NEDD4: variants seen among roughly 807,000 people sequenced by gnomAD.
NEDD4 encodes the protein E3 ubiquitin-protein ligase NEDD4.
NEDD4 carries 99 observed loss-of-function variants against 144.9 expected under a neutral mutation model. The observed-to-expected ratio is 0.68, with a 90% CI of 0.58 to 0.81. The LOEUF is 0.81. NEDD4 is among the 30% of genes least tolerant of loss of function. NEDD4 has a pLI of 0.00. For missense variants in NEDD4, 985 were observed against 1,065.9 expected (o/e 0.92, Z 1.06); for synonymous variants, 318 against 350.6 (o/e 0.91, Z 1.04).
At chr15:55,943,840 T>C (rs1180186793) in intron 4 of NEDD4, among the ~76,000 whole-genome samples, 1 of 152,146 alleles carries the variant, frequency 6.6e-6, no homozygotes, top group Admixed American at 6.5e-5. Flanking sequence ...ACTGTTTGCC[T>C]GCAAAACCCT....
At chr15:55,909,068 T>C (rs2036189353) in intron 5 of NEDD4, among the ~76,000 whole-genome samples, 1 of 152,210 alleles carries the variant, frequency 6.6e-6, no homozygotes, top group Non-Finnish European at 1.5e-5. Context: ...AATCAAAATG[T>C]TTCCTAGTGT....
chr15:55,932,163 T>C (rs942485897), intron 4 of NEDD4, among the ~76,000 whole-genome samples: 17 of 152,184 alleles, frequency 1.1e-4, no homozygotes, highest in African/African-American at 3.6e-4. Context: ...GTTTTCGTGA[T>C]AGTGAGTGAG....
At chr15:55,914,304 CTTTA>C (rs1368977566) in intron 5 of NEDD4, among the ~76,000 whole-genome samples, 10 of 151,166 alleles carry the variant, frequency 6.6e-5, no homozygotes, top group African/African-American at 2.4e-4. Flanking sequence ...TGTAAAATTG[CTTTA>C]GTTAGAAAAT....
At chr15:55,988,503 A>AAAAAAAAAAAAAAAG (rs1566980054) in intron 1 of NEDD4, among the ~76,000 whole-genome samples, 1 of 147,802 alleles carries the variant, frequency 6.8e-6, no homozygotes, top group Non-Finnish European at 1.5e-5. Context: ...AAAAAAAAAA[A>AAAAAAAAAAAAAAAG]AAAGAAAAAC....
In NEDD4 at chr15:55,915,667, C is replaced by G. The variant is rs757391564; in HGVS notation, c.291+8979G>C. Reference sequence around the variant, plus strand: ...CAATCACCATTTGTTGTTTCACAGTCTAATGTAGCTGCTTTTCGTTGGGTG... The same window carrying G: ...CAATCACCATTTGTTGTTTCACAGTGTAATGTAGCTGCTTTTCGTTGGGTG... On this transcript the variant is annotated intron_variant, in intron 5 of 28. Coordinates refer to ENST00000435532, the MANE Select transcript of NEDD4 (RefSeq NM_006154.4). 5.6e-6 allele frequency: 9 copies of G among 1,613,882 alleles called. No individual in the cohort carries two copies. The highest frequency in any genetic ancestry group is 1.7e-5 in the Admixed American group (1 of 59,992).
At position 55,981,968 on chromosome 15, in the gene NEDD4, C is replaced by T. The variant is rs190668673; in HGVS notation, c.45+11543G>A. On this transcript the variant is annotated intron_variant, in intron 1 of 28. Coordinates refer to ENST00000435532, the MANE Select transcript of NEDD4 (RefSeq NM_006154.4). ...TCTAAGAAAGAACAACTCATCATTA[C>T]TTTACATCTTATCACTACTTTTAAG... Among the ~76,000 whole-genome samples, 42 of 152,314 alleles carry T rather than the reference C, an allele frequency of 2.8e-4. No individual in the cohort carries two copies. In the East Asian group the frequency reaches 6.5e-3, roughly 24 times the overall value.
At chr15:55,965,607 T>C (rs1022137023) in intron 2 of NEDD4, among the ~76,000 whole-genome samples, 9 of 152,204 alleles carry the variant, frequency 5.9e-5, no homozygotes, top group African/African-American at 1.2e-4. Context: ...AAATCAACAA[T>C]TGGAAATATT....
chr15:55,932,342 T>C (rs911019716), intron 4 of NEDD4, among the ~76,000 whole-genome samples: 2 of 152,084 alleles, frequency 1.3e-5, no homozygotes, highest in East Asian at 1.9e-4. Context: ...TGGAACAGAA[T>C]AGAGCCCTCG....
At position 55,972,547 on chromosome 15, in the gene NEDD4, G is replaced by C. The variant is rs113891541; in HGVS notation, c.46-6001C>G. 4.6e-5 allele frequency among the ~76,000 whole-genome samples: 7 copies of C among 152,070 alleles called. 1 individual carries two copies. Among genetic ancestry groups the C allele is most frequent in the African/African-American group, 1.7e-4 (7 of 41,506 alleles). ...AACAGACATACAATAGATAAACCAA[G>C]AAATTAAAGCATACCACTAAAGAAA... is the stretch of plus-strand genomic sequence containing the variant. On this transcript the variant is annotated intron_variant, in intron 1 of 28. Transcript: ENST00000435532.
intron 7 of NEDD4, among the ~76,000 whole-genome samples, 181 bp from the exon 8 acceptor site, chr15:55,869,862 TATAAATAA>T (rs778928932): frequency 6.3e-4 from 50 of 79,610 alleles, no homozygotes; most frequent in African/African-American, 9.4e-4. Context: ...GGCAAACATA[TATAAATAA>T]ATAAATAAAT....
chr15:55,913,477 AACTGTCACTAT>A (rs1394012043), intron 5 of NEDD4, among the ~76,000 whole-genome samples: 1 of 152,074 alleles, frequency 6.6e-6, no homozygotes, highest in East Asian at 1.9e-4. Flanking sequence ...AATTAAATTT[AACTGTCACTAT>A]ATGGTTTACA....
intron 4 of NEDD4, among the ~76,000 whole-genome samples, chr15:55,944,867 CAG>C (rs1300128900): frequency 1.3e-5 from 2 of 152,172 alleles, no homozygotes; most frequent in East Asian, 3.9e-4. Context: ...CCCAAGCAAA[CAG>C]GGTCTGGAGT....
chr15:55,844,815 T>TC (rs2033673191), intron 18 of NEDD4, among the ~76,000 whole-genome samples: 1 of 151,574 alleles, frequency 6.6e-6, no homozygotes, highest in African/African-American at 2.4e-5. Context: ...CAATTTTTTT[T>TC]TTTTTTTTTT....
At chr15:55,962,943 T>A (rs1049448219) in intron 2 of NEDD4, among the ~76,000 whole-genome samples, 4 of 150,704 alleles carry the variant, frequency 2.7e-5, no homozygotes, top group Non-Finnish European at 5.9e-5. Flanking sequence ...CGCGCCACCA[T>A]ACCCAGCTAA....
intron 12 of NEDD4, among the ~76,000 whole-genome samples, chr15:55,854,675 G>T (rs67497103): frequency 2.5e-4 from 38 of 152,018 alleles, no homozygotes; most frequent in African/African-American, 8.9e-4. Flanking sequence ...CTTGATTGTG[G>T]TGATGTCTCC....
rs777384727 is a variant in NEDD4 at position 55,840,486 on chromosome 15, C to T, written c.1992G>A (p.Met664Ile). The T allele has an allele frequency of 1.9e-6, 3 of 1,613,868 alleles. No homozygotes were observed. Among genetic ancestry groups the T allele is most frequent in the Non-Finnish European group, 2.5e-6 (3 of 1,179,940 alleles). ...GFFIRPFYKM[M>I]LHKPITLHDM... ...CATGAAGGGTTATTGGTTTGTGAAG[C>T]ATCATCTTGTAAAATGGGCGGATGA... The change falls in exon 21 of 29, where the codon ATG becomes ATA. Residue 664 changes from methionine to isoleucine, a missense_variant. Transcript: ENST00000435532.
In NEDD4 at chr15:55,829,050, C is replaced by G. The variant is rs2032819202; in HGVS notation, c.*847G>C. 6.6e-6 allele frequency: 1 copy of G among 152,556 alleles called. No individual in the cohort carries two copies. The highest frequency in any genetic ancestry group is 6.6e-5 in the Admixed American group (1 of 15,258). 9.5% of individuals were successfully genotyped at this position (152,556 alleles called of 1,614,324 possible). On this transcript the variant is annotated 3_prime_UTR_variant, in exon 29 of 29. Coordinates refer to ENST00000435532, the MANE Select transcript of NEDD4 (RefSeq NM_006154.4). ...GTTCTTCAAGGCATATTTAGAAATA[C>G]TGCTTTGTGGATCTTTAATGTTTGA...
intron 11 of NEDD4, among the ~76,000 whole-genome samples, chr15:55,857,207 A>G (rs1016799541): frequency 2.6e-5 from 4 of 152,230 alleles, no homozygotes; most frequent in Non-Finnish European, 5.9e-5. Context: ...AAGTTTCTAT[A>G]TATGTATGCA....
At chr15:55,885,766 GGAAGGAAGAAAA>G (rs2035361006) in intron 5 of NEDD4, among the ~76,000 whole-genome samples, 1 of 151,884 alleles carries the variant, frequency 6.6e-6, no homozygotes, top group African/African-American at 2.4e-5. Flanking sequence ...AAGGAAGACA[GGAAGGAAGAAAA>G]GAAGGAAGAA....
Sources: gnomAD v4.1 joint callset for allele counts (sites outside exome capture counted in the v4.1 genomes callset) on GRCh38, gnomAD v4.1.1 for gene constraint, MANE v1.5 for transcripts, NCBI Gene and HGNC (gene_info 2026-07-23, HGNC 2026-07-21) for gene names.